Variants in CDK14 observed in about 807,000 individuals in gnomAD.
CDK14 encodes the protein cyclin dependent kinase 14.
CDK14 carries 34 observed loss-of-function variants against 60.7 expected under a neutral mutation model. The observed-to-expected ratio is 0.56, with a 90% CI of 0.43 to 0.75. CDK14 has a LOEUF of 0.75. Ranked by LOEUF, CDK14 falls within the 30% of genes least tolerant of loss-of-function variation. The probability of loss-of-function intolerance (pLI) is 0.00; values close to 1 mark genes in which losing one functional copy is unlikely to be tolerated. For missense variants in CDK14, 482 were observed against 564.1 expected (o/e 0.85, Z 1.47); for synonymous variants, 197 against 203.7 (o/e 0.97, Z 0.28).
At position 90,724,814 on chromosome 7, in the gene CDK14, T is replaced by C. The variant is rs112104143; in HGVS notation, c.124-1753T>C. 3.6e-3 allele frequency among the ~76,000 whole-genome samples: 541 copies of C among 152,192 alleles called. 5 individuals are homozygous for C. The highest frequency in any genetic ancestry group is 0.017 in the South Asian group (83 of 4,826). ...GCAGTTCATTGACTTCTCAGGCCCA[T>C]GTATTTATAATTTAATTGCTTTAGT... On this transcript the variant is annotated intron_variant, in intron 2 of 14. Transcript: ENST00000380050.
At chr7:91,125,208 C>A (rs149091974) in intron 14 of CDK14, among the ~76,000 whole-genome samples, 1 of 152,096 alleles carries the variant, frequency 6.6e-6, no homozygotes, top group African/African-American at 2.4e-5. Flanking sequence ...CACATGGGAG[C>A]TTTGTCTGGG....
chr7:90,995,956 A>C (rs1486482707), intron 10 of CDK14, among the ~76,000 whole-genome samples: 1 of 152,224 alleles, frequency 6.6e-6, no homozygotes, highest in Non-Finnish European at 1.5e-5. Context: ...TGAAATGTTA[A>C]GCATGTTTTA....
chr7:90,798,620 T>C (rs1197898477), intron 5 of CDK14, among the ~76,000 whole-genome samples: 1 of 152,242 alleles, frequency 6.6e-6, no homozygotes, highest in East Asian at 1.9e-4. Flanking sequence ...TAAAGTAGTT[T>C]GTAAGTGGCT....
chr7:90,818,800 A>T (rs190401605), intron 5 of CDK14, among the ~76,000 whole-genome samples: 4 of 152,204 alleles, frequency 2.6e-5, no homozygotes, highest in Admixed American at 2.0e-4. Flanking sequence ...CATTAATCTG[A>T]TATGTTTTCA....
At chr7:90,730,949 A>G (rs1433711177) in intron 3 of CDK14, among the ~76,000 whole-genome samples, 1 of 152,086 alleles carries the variant, frequency 6.6e-6, no homozygotes, top group Non-Finnish European at 1.5e-5. Flanking sequence ...CCTGAATGGT[A>G]TTGCCAACGT....
At chr7:90,887,561 T>G (rs138917429) in intron 6 of CDK14, among the ~76,000 whole-genome samples, 9 of 152,342 alleles carry the variant, frequency 5.9e-5, no homozygotes, top group Admixed American at 5.9e-4. Context: ...AAATTTATTT[T>G]TCAAACTATT....
chr7:90,705,928 A>C (rs1201141544), intron 2 of CDK14, among the ~76,000 whole-genome samples: 1 of 151,990 alleles, frequency 6.6e-6, no homozygotes, highest in Admixed American at 6.6e-5. Context: ...GATTGTGTTT[A>C]TTATAATCTC....
intron 2 of CDK14, among the ~76,000 whole-genome samples, chr7:90,664,912 A>G (rs1388022862): frequency 6.6e-6 from 1 of 152,162 alleles, no homozygotes; most frequent in South Asian, 2.1e-4. Flanking sequence ...CAGATTGTGC[A>G]CATGTACTGT....
chr7:90,628,628 C>G (rs1335970713), intron 2 of CDK14, among the ~76,000 whole-genome samples: 1 of 151,942 alleles, frequency 6.6e-6, no homozygotes, highest in Non-Finnish European at 1.5e-5. Flanking sequence ...TGAGACCAGC[C>G]TAGGCAACAT....
intron 4 of CDK14, among the ~76,000 whole-genome samples, chr7:90,769,962 T>A (rs1466060374): frequency 6.6e-6 from 1 of 152,254 alleles, no homozygotes; most frequent in Non-Finnish European, 1.5e-5. Context: ...ACATGAATTT[T>A]CCTCAAAGTG....
intron 9 of CDK14, among the ~76,000 whole-genome samples, chr7:90,958,246 A>G (rs944348674): frequency 1.3e-5 from 2 of 152,228 alleles, no homozygotes. Flanking sequence ...GCCCTCCCTA[A>G]GAATGAGATT....
intron 4 of CDK14, among the ~76,000 whole-genome samples, chr7:90,759,556 A>T (rs901573213): frequency 6.6e-6 from 1 of 152,118 alleles, no homozygotes; most frequent in African/African-American, 2.4e-5. Context: ...CAACCTCAAG[A>T]CCCAAAGTTG....
chr7:91,113,168 A>G (rs1384805145), intron 13 of CDK14, among the ~76,000 whole-genome samples: 1 of 152,228 alleles, frequency 6.6e-6, no homozygotes, highest in Non-Finnish European at 1.5e-5. Context: ...ATTCTCAGAG[A>G]CCATCTTGGT....
intron 2 of CDK14, among the ~76,000 whole-genome samples, chr7:90,661,824 C>T (rs1335026712): frequency 1.3e-5 from 2 of 152,106 alleles, no homozygotes; most frequent in African/African-American, 4.8e-5. Context: ...AAAAGTTGCT[C>T]TATCTCATAC....
chr7:90,718,815 G>A (rs988885439), intron 2 of CDK14, among the ~76,000 whole-genome samples: 1 of 152,120 alleles, frequency 6.6e-6, no homozygotes, highest in Non-Finnish European at 1.5e-5. Context: ...ACAGATTTAA[G>A]TTATAGATGA....
At chr7:90,711,500 GT>G (rs1802057399) in intron 2 of CDK14, among the ~76,000 whole-genome samples, 1 of 151,196 alleles carries the variant, frequency 6.6e-6, no homozygotes, top group Non-Finnish European at 1.5e-5. Flanking sequence ...TTTTCATCCT[GT>G]GACAGAAGGA....
chr7:90,823,211 TA>T (rs1025024781), intron 5 of CDK14, among the ~76,000 whole-genome samples: 1 of 152,184 alleles, frequency 6.6e-6, no homozygotes, highest in Admixed American at 6.5e-5. Flanking sequence ...TTCAAAGTCT[TA>T]AATTTTTCTT....
chr7:91,063,636 C>G lies in CDK14; in HGVS notation c.1106-15796C>G, dbSNP rs73398978. Among the ~76,000 whole-genome samples the G allele has an allele frequency of 8.1e-3, 1,234 of 152,310 alleles. 19 individuals are homozygous for G. Among genetic ancestry groups the G allele is most frequent in the African/African-American group, 0.027 (1,137 of 41,568 alleles). Reference sequence around the variant, plus strand: ...CATCCTCTCAGAATGCCAATCCTCACTCTCCACTAGTGTATTAGAATCACA... The same window carrying G: ...CATCCTCTCAGAATGCCAATCCTCAGTCTCCACTAGTGTATTAGAATCACA... On this transcript the variant is annotated intron_variant, in intron 11 of 14. Transcript: ENST00000380050.
chr7:90,673,234 A>G (rs1248125509), intron 2 of CDK14, among the ~76,000 whole-genome samples: 1 of 152,190 alleles, frequency 6.6e-6, no homozygotes, highest in South Asian at 2.1e-4. Flanking sequence ...CTTAAGGGTC[A>G]GGGAGGAGCA....
Sources: allele counts gnomAD v4.1 joint callset (sites outside exome capture counted in the v4.1 genomes callset), GRCh38; gene constraint gnomAD v4.1.1; transcripts MANE v1.5; gene names NCBI Gene and HGNC (gene_info 2026-07-23, HGNC 2026-07-21).